The following HEATR5A variants were observed in gnomAD, a reference collection of about 807,000 sequenced individuals.
HEATR5A encodes the protein HEAT repeat-containing protein 5A.
In HEATR5A, 178 loss-of-function variants were observed where a neutral mutation model predicts 218.8. The ratio of observed to expected loss-of-function variants is 0.81; its 90% CI spans 0.72 to 0.92. The LOEUF (loss-of-function observed/expected upper bound fraction) is 0.92, where lower values mean the gene tolerates loss of function less well. Ranked by LOEUF, HEATR5A falls within the 40% of genes least tolerant of loss-of-function variation. The pLI, the probability that HEATR5A is intolerant of heterozygous loss-of-function variation, is 0.00. For synonymous variants in HEATR5A, 864 were observed against 871.6 expected (o/e 0.99, Z 0.15); for missense variants, 2,420 against 2,418.9 (o/e 1.00, Z -0.01).
At position 31,400,462 on chromosome 14, in the gene HEATR5A, C is replaced by A; in HGVS notation, c.177G>T (p.Leu59Phe). ...QKTLVEQLLS[L>F]LNSSPGPPTR... ...TAGGAGGCCCTGGGGAGCTGTTCAACAAAGACAGGAGCTGTTCAACAAGAG... is the reference window on the plus strand; with the variant it reads ...TAGGAGGCCCTGGGGAGCTGTTCAAAAAAGACAGGAGCTGTTCAACAAGAG... Residue 59 changes from leucine (L) to phenylalanine (F), a missense_variant, in exon 3 of 36, where the codon TTG becomes TTT. By Grantham distance (22) the Leu-to-Phe change is conservative (BLOSUM62 0). Coordinates refer to ENST00000543095, the MANE Select transcript of HEATR5A (RefSeq NM_015473.4). The A allele has an allele frequency of 6.5e-7, 1 of 1,535,912 alleles. No homozygotes were observed. The highest frequency in any genetic ancestry group is 1.2e-5 in the South Asian group (1 of 84,056).
At chr14:31,332,342 C>G (rs555291315) in intron 22 of HEATR5A, among the ~76,000 whole-genome samples, 1 of 152,310 alleles carries the variant, frequency 6.6e-6, no homozygotes, top group African/African-American at 2.4e-5. Context: ...CTCTTTCTCT[C>G]CTGGCCATTC....
intron 16 of HEATR5A, among the ~76,000 whole-genome samples, chr14:31,354,177 A>G (rs1901338439): frequency 6.6e-6 from 1 of 152,062 alleles, no homozygotes; most frequent in African/African-American, 2.4e-5. Context: ...TGTGACAACA[A>G]TGGGGAATTA....
chr14:31,375,069 A>C, intron 11 of HEATR5A, 101 bp from the exon 12 acceptor site: 1 of 966,302 alleles, frequency 1.0e-6, no homozygotes, highest in Admixed American at 3.1e-5. Context: ...ATTTTAATTC[A>C]TTATTGCAAC....
At chr14:31,381,526 C>T (rs1006154509) in intron 10 of HEATR5A, among the ~76,000 whole-genome samples, 1 of 129,502 alleles carries the variant, frequency 7.7e-6, no homozygotes, top group African/African-American at 2.9e-5. Flanking sequence ...TGCATTGCAG[C>T]CTGGGCAATA....
Position 31,337,529 on chromosome 14 carries a change from A to C in HEATR5A, c.3314T>G (p.Val1105Gly). The C allele has an allele frequency of 6.4e-7, 1 of 1,566,066 alleles. No individual in the cohort carries two copies. Among genetic ancestry groups the C allele is most frequent in the South Asian group, 1.2e-5 (1 of 84,870 alleles). The change falls in exon 22 of 36, where the codon GTT becomes GGT. Residue 1105 changes from valine (V) to glycine (G), a missense_variant. By Grantham distance (109) the Val-to-Gly change is moderately radical. Coordinates refer to ENST00000543095, the MANE Select transcript of HEATR5A (RefSeq NM_015473.4). ...RQLVQREAAE[V>G]SEHAVMLAKD... is the part of the protein sequence containing the mutation. The stretch of plus-strand genomic sequence containing the variant: ...AGCAAGCATAACAGCATGTTCTGAA[A>C]CTTCAGCTGCTTCTCTTTGTACAAG...
In HEATR5A at chr14:31,394,240, C is replaced by A; in HGVS notation, c.598-14G>T. ...TTCAAGGAGACACTATTCAATTGGA[C>A]AAAGAGAAATTAATGAAAAATAAAA... is the stretch of plus-strand genomic sequence containing the variant. On this transcript the variant is annotated splice_polypyrimidine_tract_variant and intron_variant, in intron 5 of 35. Coordinates refer to ENST00000543095, the MANE Select transcript of HEATR5A (RefSeq NM_015473.4). 7.0e-7 allele frequency: 1 copy of A among 1,419,764 alleles called. No homozygotes were observed. Among genetic ancestry groups the A allele is most frequent in the South Asian group, 1.5e-5 (1 of 67,796 alleles). The allele number at this position is 1,419,764 out of a possible 1,614,324, so 87.9% of individuals were successfully genotyped here.
chr14:31,348,310 T>C (rs1901087011), intron 18 of HEATR5A, among the ~76,000 whole-genome samples: 1 of 152,188 alleles, frequency 6.6e-6, no homozygotes, highest in South Asian at 2.1e-4. Context: ...GTGTGGTAGC[T>C]CACGCCTGTA....
At chr14:31,380,664 T>C in intron 10 of HEATR5A, 86 bp from the exon 11 acceptor site, 1 of 801,950 alleles carries the variant, frequency 1.2e-6, no homozygotes, top group South Asian at 1.6e-5. Context: ...CTTGAAAAAT[T>C]AATTCTTACA....
intron 1 of HEATR5A, among the ~76,000 whole-genome samples, chr14:31,410,213 A>T (rs1448997288): frequency 6.6e-6 from 1 of 152,200 alleles, no homozygotes; most frequent in Non-Finnish European, 1.5e-5. Context: ...TTTGACTTTT[A>T]CTTCTCTAAA....
At position 31,302,295 on chromosome 14, in the gene HEATR5A, C is replaced by G; in HGVS notation, c.5464G>C (p.Val1822Leu). Residue 1822 changes from valine to leucine, a missense_variant and splice_region_variant, in exon 33 of 36, where the codon GTT becomes CTT. Coordinates refer to ENST00000543095, the MANE Select transcript of HEATR5A (RefSeq NM_015473.4). The part of the protein sequence containing the change: ...LTTILDCWDP[V>L]DETHQELDEV... ...ACTGCTTCCAAATAGCCTCAATTAC[C>G]TGGATCCCAACAGTCAAGAATTGTT... 6.3e-7 allele frequency: 1 copy of G among 1,582,396 alleles called. No individual in the cohort carries two copies. Among genetic ancestry groups the G allele is most frequent in the South Asian group, 1.2e-5 (1 of 86,904 alleles).
At chr14:31,344,886 G>A (rs184248529) in intron 20 of HEATR5A, among the ~76,000 whole-genome samples, 1 of 152,262 alleles carries the variant, frequency 6.6e-6, no homozygotes, top group South Asian at 2.1e-4. Flanking sequence ...GTTAAGGAAG[G>A]CATCTTTAGG....
intron 32 of HEATR5A, among the ~76,000 whole-genome samples, chr14:31,304,388 A>C (rs1899486037): frequency 6.6e-6 from 1 of 152,214 alleles, no homozygotes; most frequent in African/African-American, 2.4e-5. Flanking sequence ...AGAAGAGCAT[A>C]TCTATAATAC....
At chr14:31,327,645 G>A (rs765042574) in intron 22 of HEATR5A, among the ~76,000 whole-genome samples, 2 of 151,970 alleles carry the variant, frequency 1.3e-5, no homozygotes, top group Non-Finnish European at 2.9e-5. Flanking sequence ...CCTTATTCTG[G>A]TATAAAGCTT....
At position 31,403,159 on chromosome 14, in the gene HEATR5A, G is replaced by T. The variant is rs2030938886; in HGVS notation, c.-74-110C>A. 3 of 534,818 alleles carry T rather than the reference G, an allele frequency of 5.6e-6. No individual in the cohort carries two copies. In the East Asian group the frequency reaches 9.1e-5, roughly 16 times the overall value. The allele number at this position is 534,818 out of a possible 1,614,324, so 33.1% of individuals were successfully genotyped here. On this transcript the variant is annotated intron_variant, in intron 1 of 35. Coordinates refer to ENST00000543095, the MANE Select transcript of HEATR5A (RefSeq NM_015473.4). ...TTAAATGTATACATTTTTTATAAAT[G>T]CTCTAGGGTGAATCTGGGAAAATCC... is the stretch of plus-strand genomic sequence containing the variant.
intron 21 of HEATR5A, among the ~76,000 whole-genome samples, chr14:31,341,246 T>C (rs902834353): frequency 7.9e-5 from 12 of 152,308 alleles, no homozygotes; most frequent in African/African-American, 2.2e-4. Context: ...CTTGCTCTAA[T>C]GTACCCAAAA....
chr14:31,326,393 A>G (rs1420397557), intron 22 of HEATR5A, 51 bp from the exon 23 acceptor site: 10 of 1,317,000 alleles, frequency 7.6e-6, no homozygotes, highest in Non-Finnish European at 8.5e-6. Context: ...CAAAACTACC[A>G]TATCAGAAGC....
chr14:31,359,834 C>A (rs546908103), intron 14 of HEATR5A, among the ~76,000 whole-genome samples: 1 of 151,580 alleles, frequency 6.6e-6, no homozygotes, highest in Non-Finnish European at 1.5e-5. Flanking sequence ...ATGATGCCTG[C>A]CCCTATCCCT....
chr14:31,411,075 C>T (rs572298231), intron 1 of HEATR5A, among the ~76,000 whole-genome samples: 1 of 152,056 alleles, frequency 6.6e-6, no homozygotes, highest in African/African-American at 2.4e-5. Flanking sequence ...ACTTTTATAG[C>T]CAATGCTGAA....
At chr14:31,402,528 T>TA (rs2030917028) in intron 2 of HEATR5A, among the ~76,000 whole-genome samples, 1 of 152,230 alleles carries the variant, frequency 6.6e-6, no homozygotes, top group Non-Finnish European at 1.5e-5. Flanking sequence ...ACCAGGGCTT[T>TA]ATGTACACGG....
Sources: allele counts gnomAD v4.1 joint callset (sites outside exome capture counted in the v4.1 genomes callset), GRCh38; gene constraint gnomAD v4.1.1; transcripts MANE v1.5; gene names NCBI Gene and HGNC (gene_info 2026-07-23, HGNC 2026-07-21).